The following SNX3 variants were observed in gnomAD, a reference collection of about 807,000 sequenced individuals.
SNX3 encodes sorting nexin 3, also known as sorting nexin-3.
A neutral mutation model predicts 17.7 loss-of-function variants in SNX3; 5 were observed. That is an observed-to-expected ratio of 0.28 (90% confidence interval 0.15 to 0.59). SNX3 has a LOEUF of 0.59. SNX3 is among the 20% of genes least tolerant of loss of function. The pLI is 0.88. For synonymous variants in SNX3, 91 were observed against 76.5 expected (o/e 1.19, Z -0.99); for missense variants, 132 against 206.8 (o/e 0.64, Z 2.22).
intron 1 of SNX3, among the ~76,000 whole-genome samples, chr6:108,227,031 G>A (rs1010767617): frequency 6.6e-6 from 1 of 152,192 alleles, no homozygotes; most frequent in African/African-American, 2.4e-5. Flanking sequence ...TGTACAGAGG[G>A]TATTCTCATT....
chr6:108,248,923 G>A lies in SNX3; in HGVS notation c.162+11837C>T, dbSNP rs1322400814. On this transcript the variant is annotated intron_variant, in intron 1 of 3. Coordinates refer to ENST00000230085, the MANE Select transcript of SNX3 (RefSeq NM_003795.6). ...CTACAGGTATGCATCACCACACCCA[G>A]CTTTTAGACAAGAGAGACAGAGTTT... Among the ~76,000 whole-genome samples the A allele has an allele frequency of 2.0e-5, 3 of 152,032 alleles. No individual in the cohort carries two copies. The East Asian group carries it at 5.8e-4, about 29-fold the overall frequency.
rs1774857500 is a variant in SNX3 at position 108,223,136 on chromosome 6, T to C, written c.163-91A>G. 4 of 679,400 alleles carry C rather than the reference T, an allele frequency of 5.9e-6. No homozygotes were observed. The East Asian group carries it at 1.1e-4, about 18-fold the overall frequency. 42.1% of individuals were successfully genotyped at this position (679,400 alleles called of 1,614,324 possible). On this transcript the variant is annotated intron_variant, in intron 1 of 3. Coordinates refer to ENST00000230085, the MANE Select transcript of SNX3 (RefSeq NM_003795.6). The stretch of plus-strand genomic sequence containing the variant: ...GGGTATGGCAAAACAAAAGAAATCA[T>C]GACTTTCTTTTTCTTTTTTTGAGAC...
chr6:108,219,808 C>A (rs1774699523), intron 2 of SNX3, among the ~76,000 whole-genome samples: 1 of 152,148 alleles, frequency 6.6e-6, no homozygotes, highest in South Asian at 2.1e-4. Flanking sequence ...TTCCACTAAT[C>A]TATTTGCCCA....
intron 1 of SNX3, among the ~76,000 whole-genome samples, chr6:108,247,008 T>C (rs1775711994): frequency 6.6e-6 from 1 of 152,170 alleles, no homozygotes. Flanking sequence ...AAATCTCATC[T>C]TGAATTGTAA....
intron 1 of SNX3, among the ~76,000 whole-genome samples, chr6:108,257,027 T>C (rs1776052028): frequency 6.6e-6 from 1 of 152,210 alleles, no homozygotes; most frequent in Admixed American, 6.5e-5. Flanking sequence ...CCATATAAAA[T>C]TGCCCTGTGA....
At chr6:108,242,197 A>G (rs559357506) in intron 1 of SNX3, among the ~76,000 whole-genome samples, 5 of 152,180 alleles carry the variant, frequency 3.3e-5, no homozygotes, top group Non-Finnish European at 2.9e-5. Context: ...AGGGACCTGT[A>G]GGATACTAAC....
intron 1 of SNX3, among the ~76,000 whole-genome samples, chr6:108,236,783 T>C (rs1404006100): frequency 1.3e-5 from 2 of 152,202 alleles, no homozygotes; most frequent in African/African-American, 4.8e-5. Flanking sequence ...GAATGTTTAA[T>C]AAGTCTAAAT....
intron 1 of SNX3, among the ~76,000 whole-genome samples, chr6:108,225,694 A>G (rs1774953519): frequency 6.6e-6 from 1 of 151,920 alleles, no homozygotes; most frequent in Non-Finnish European, 1.5e-5. Context: ...ATGACTAAAA[A>G]CACTAAAGAC....
In SNX3 at chr6:108,255,475, C is replaced by A. The variant is rs533129147; in HGVS notation, c.162+5285G>T. ...TCAAGAAATCCTCCCACTTCAGCCT[C>A]CCACATAGCTGGGACTACAGGCACA... On this transcript the variant is annotated intron_variant, in intron 1 of 3. Coordinates refer to ENST00000230085, the MANE Select transcript of SNX3 (RefSeq NM_003795.6). Among the ~76,000 whole-genome samples the A allele has an allele frequency of 6.6e-5, 10 of 152,098 alleles. No homozygotes were observed. The South Asian group carries it at 2.1e-3, about 32-fold the overall frequency.
chr6:108,255,301 T>C (rs991291720), intron 1 of SNX3, among the ~76,000 whole-genome samples: 20 of 152,186 alleles, frequency 1.3e-4, no homozygotes, highest in Admixed American at 9.2e-4. Flanking sequence ...TAGAGCTACA[T>C]AGATTCTGCA....
chr6:108,258,154 C>T (rs1776084388), intron 1 of SNX3, among the ~76,000 whole-genome samples: 3 of 151,846 alleles, frequency 2.0e-5, no homozygotes, highest in Non-Finnish European at 2.9e-5. Context: ...ACTCATTAAT[C>T]GTTCTTAAAA....
chr6:108,232,638 A>G (rs1438724186), intron 1 of SNX3, among the ~76,000 whole-genome samples: 1 of 152,210 alleles, frequency 6.6e-6, no homozygotes, highest in East Asian at 1.9e-4. Context: ...TCACGTGTAC[A>G]TTTGAAAAGA....
chr6:108,214,694 G>C (rs1472726905), intron 2 of SNX3, 72 bp from the exon 3 acceptor site: 1 of 1,479,194 alleles, frequency 6.8e-7, no homozygotes, highest in African/African-American at 1.4e-5. Flanking sequence ...ACAACATGAA[G>C]ACAAAGCATG....
chr6:108,236,590 T>C (rs953493570), intron 1 of SNX3, among the ~76,000 whole-genome samples: 1 of 151,054 alleles, frequency 6.6e-6, no homozygotes, highest in Non-Finnish European at 1.5e-5. Flanking sequence ...TCACCGTTTT[T>C]TTTTAGCCGG....
At chr6:108,240,640 A>G (rs1775487493) in intron 1 of SNX3, among the ~76,000 whole-genome samples, 1 of 152,232 alleles carries the variant, frequency 6.6e-6, no homozygotes, top group Admixed American at 6.5e-5. Flanking sequence ...GAGGGGGGCC[A>G]CTGGTCAGGA....
intron 1 of SNX3, among the ~76,000 whole-genome samples, chr6:108,255,944 T>C (rs1776015517): frequency 6.6e-6 from 1 of 152,172 alleles, no homozygotes; most frequent in African/African-American, 2.4e-5. Context: ...AAAAGATTAT[T>C]TGGAGCCTGG....
At chr6:108,242,921 TC>T (rs1168670005) in intron 1 of SNX3, among the ~76,000 whole-genome samples, 1 of 152,106 alleles carries the variant, frequency 6.6e-6, no homozygotes, top group African/African-American at 2.4e-5. Context: ...GGAAGAGAAC[TC>T]CCGGGCCTCA....
intron 1 of SNX3, among the ~76,000 whole-genome samples, chr6:108,237,783 C>T (rs1330789204): frequency 6.7e-6 from 1 of 149,626 alleles, no homozygotes; most frequent in Non-Finnish European, 1.5e-5. Context: ...GAGTGAGACT[C>T]TATTTCAAAA....
chr6:108,222,923 T>G, intron 2 of SNX3, 27 bp downstream of exon 2: 1 of 1,368,242 alleles, frequency 7.3e-7, no homozygotes, highest in Non-Finnish European at 1.0e-6. Context: ...TGTTTTGCTT[T>G]AAAGTTGCAT....
Sources: gnomAD v4.1 joint callset for allele counts (sites outside exome capture counted in the v4.1 genomes callset) on GRCh38, gnomAD v4.1.1 for gene constraint, MANE v1.5 for transcripts, NCBI Gene and HGNC (gene_info 2026-07-23, HGNC 2026-07-21) for gene names.